The following GABRG3 variants were observed in gnomAD, a reference collection of about 807,000 sequenced individuals.
GABRG3 encodes gamma-aminobutyric acid type A receptor subunit gamma3.
Under a neutral mutation model 48.8 loss-of-function variants are expected in GABRG3, and 25 were observed. The observed-to-expected ratio is 0.51, with a 90% CI of 0.37 to 0.72. The LOEUF is 0.72. GABRG3 is among the 30% of genes least tolerant of loss of function. The probability of loss-of-function intolerance (pLI) is 0.00; values close to 1 mark genes in which losing one functional copy is unlikely to be tolerated. For synonymous variants in GABRG3, 227 were observed against 217.6 expected (o/e 1.04, Z -0.38); for missense variants, 394 against 577.9 (o/e 0.68, Z 3.26).
rs8038688 is a variant in GABRG3, at chr15:27,234,463, G to A, written c.271-92346G>A. ...ACACTTCCTTGCTAAGGTTGCTGTG[G>A]TGCTTAGACATGTCAGCAGGTCCTG... On this transcript the variant is annotated intron_variant, in intron 3 of 9. Coordinates refer to ENST00000615808, the MANE Select transcript of GABRG3 (RefSeq NM_033223.5). Among the ~76,000 whole-genome samples, 381 of 152,288 alleles carry A rather than the reference G, an allele frequency of 2.5e-3. 1 individual carries two copies. Among genetic ancestry groups the A allele is most frequent in the African/African-American group, 8.5e-3 (355 of 41,562 alleles).
Position 27,132,471 on chromosome 15 carries a change from G to GGTTTTTTTTTTTTTTTTTTTTTT in GABRG3, c.270+105650_270+105651insGTTTTTTTTTTTTTTTTTTTTTT, listed in dbSNP as rs778222775. On this transcript the variant is annotated intron_variant, in intron 3 of 9. Transcript: ENST00000615808. ...TGATTCAATCTTCCCAGTAGTTACAGTTTTTTTTTTTTTTTTTTTTTTTTT... is the reference window on the plus strand; with the variant it reads ...TGATTCAATCTTCCCAGTAGTTACAGGTTTTTTTTTTTTTTTTTTTTTTTTTTTTTTTTTTTTTTTTTTTTTTT... Among the ~76,000 whole-genome samples, 2 of 39,594 alleles carry GGTTTTTTTTTTTTTTTTTTTTTT rather than the reference G, an allele frequency of 5.1e-5. 1 individual carries two copies. The allele number at this position is 39,594 out of a possible 152,430, so 26.0% of individuals were successfully genotyped here. A position where few individuals can be genotyped will look rare whatever the true frequency, so the allele number is the denominator to read the frequency against.
At chr15:27,247,447 A>G (rs1355151041) in intron 3 of GABRG3, among the ~76,000 whole-genome samples, 1 of 152,098 alleles carries the variant, frequency 6.6e-6, no homozygotes, top group Non-Finnish European at 1.5e-5. Context: ...GGCTGCAGCC[A>G]CACTGTCCTC....
chr15:27,507,959 C>G (rs944227379), intron 6 of GABRG3, among the ~76,000 whole-genome samples: 1 of 152,130 alleles, frequency 6.6e-6, no homozygotes, highest in African/African-American at 2.4e-5. Context: ...CTACTCTGTT[C>G]AAAATTCATG....
chr15:27,530,956 G>T (rs76385882), intron 9 of GABRG3: 2 of 321,662 alleles, frequency 6.2e-6, no homozygotes, highest in Non-Finnish European at 1.2e-5. Context: ...TCCCTTCAAT[G>T]CAGTGGGGTA....
intron 3 of GABRG3, among the ~76,000 whole-genome samples, chr15:27,211,043 A>G (rs1282671276): frequency 2.0e-5 from 3 of 152,192 alleles, no homozygotes; most frequent in Non-Finnish European, 4.4e-5. Flanking sequence ...CCTGTAAGGG[A>G]GTAGATTTTT....
chr15:27,124,353 C>T (rs1036388445), intron 3 of GABRG3, among the ~76,000 whole-genome samples: 5 of 152,168 alleles, frequency 3.3e-5, no homozygotes, highest in Non-Finnish European at 5.9e-5. Flanking sequence ...GGTCTGATTA[C>T]ACTCACTTCA....
intron 3 of GABRG3, among the ~76,000 whole-genome samples, chr15:27,080,443 C>T (rs1896974380): frequency 6.6e-6 from 1 of 152,080 alleles, no homozygotes; most frequent in South Asian, 2.1e-4. Context: ...AAGACTTCAT[C>T]TCTAAAAAAC....
At chr15:27,413,435 TA>T (rs1432051352) in intron 5 of GABRG3, among the ~76,000 whole-genome samples, 1 of 152,166 alleles carries the variant, frequency 6.6e-6, no homozygotes, top group Non-Finnish European at 1.5e-5. Context: ...TTGCATAGTT[TA>T]GGGGGAAAAC....
intron 3 of GABRG3, among the ~76,000 whole-genome samples, chr15:27,269,804 C>T (rs1401430562): frequency 3.3e-5 from 5 of 152,010 alleles, no homozygotes; most frequent in Non-Finnish European, 4.4e-5. Flanking sequence ...GATGGGCAGC[C>T]GAATGATCTT....
rs144974956 is a variant in GABRG3 at position 27,248,928 on chromosome 15, G to A, written c.271-77881G>A. ...CATGAACGGGGGATTCTTTTAACGC[G>A]AAGCCATCGGCGACTGGCCCCGGAG... On this transcript the variant is annotated intron_variant, in intron 3 of 9. Coordinates refer to ENST00000615808, the MANE Select transcript of GABRG3 (RefSeq NM_033223.5). Among the ~76,000 whole-genome samples the A allele has an allele frequency of 1.8e-4, 27 of 152,150 alleles. No homozygotes were observed. The East Asian group carries it at 3.1e-3, about 17-fold the overall frequency.
At chr15:27,127,008 A>G (rs944177717) in intron 3 of GABRG3, among the ~76,000 whole-genome samples, 2 of 152,168 alleles carry the variant, frequency 1.3e-5, no homozygotes, top group Non-Finnish European at 2.9e-5. Flanking sequence ...TAGATTTTTA[A>G]TAGTATACAT....
At chr15:27,257,722 G>A (rs190415871) in intron 3 of GABRG3, among the ~76,000 whole-genome samples, 163 of 152,218 alleles carry the variant, frequency 1.1e-3, no homozygotes, top group Non-Finnish European at 2.0e-3. Flanking sequence ...GCCCAGGCTG[G>A]GGTGCAGTGG....
intron 3 of GABRG3, among the ~76,000 whole-genome samples, chr15:27,307,136 T>G (rs1308807663): frequency 1.5e-5 from 2 of 131,442 alleles, no homozygotes; most frequent in African/African-American, 6.1e-5. Context: ...ATAAACATGT[T>G]TATACATATA....
chr15:27,471,118 G>A (rs965254718), intron 5 of GABRG3, among the ~76,000 whole-genome samples: 1 of 152,116 alleles, frequency 6.6e-6, no homozygotes, highest in African/African-American at 2.4e-5. Context: ...AAAATTTAGA[G>A]GCCAGAGTTT....
At chr15:27,089,567 C>T (rs1176046537) in intron 3 of GABRG3, among the ~76,000 whole-genome samples, 1 of 152,146 alleles carries the variant, frequency 6.6e-6, no homozygotes, top group South Asian at 2.1e-4. Context: ...GCACAGGACT[C>T]TACCGTGTGT....
At chr15:27,455,166 TAGA>T (rs1215078729) in intron 5 of GABRG3, among the ~76,000 whole-genome samples, 1 of 152,220 alleles carries the variant, frequency 6.6e-6, no homozygotes, top group Non-Finnish European at 1.5e-5. Context: ...TGTGAGGTCT[TAGA>T]AGGTGATACA....
At chr15:27,242,524 T>A (rs1435627417) in intron 3 of GABRG3, among the ~76,000 whole-genome samples, 1 of 152,210 alleles carries the variant, frequency 6.6e-6, no homozygotes, top group Non-Finnish European at 1.5e-5. Flanking sequence ...TTGATATTTT[T>A]AAAAAATGAG....
intron 3 of GABRG3, among the ~76,000 whole-genome samples, chr15:27,140,934 C>T (rs1423248491): frequency 6.6e-6 from 1 of 152,110 alleles, no homozygotes; most frequent in East Asian, 1.9e-4. Flanking sequence ...TGAGAGAGAG[C>T]TTTACTGTAA....
At chr15:27,463,473 A>G (rs1325329204) in intron 5 of GABRG3, among the ~76,000 whole-genome samples, 3 of 152,198 alleles carry the variant, frequency 2.0e-5, no homozygotes, top group Non-Finnish European at 4.4e-5. Context: ...ACAGTGGGCC[A>G]GAAGCAGATG....
Sources: gnomAD v4.1 joint callset for allele counts (sites outside exome capture counted in the v4.1 genomes callset) on GRCh38, gnomAD v4.1.1 for gene constraint, MANE v1.5 for transcripts, NCBI Gene and HGNC (gene_info 2026-07-23, HGNC 2026-07-21) for gene names.